Variants in SRC observed in about 807,000 individuals in gnomAD.
The protein encoded by SRC is SRC proto-oncogene, non-receptor tyrosine kinase.
SRC carries 13 observed loss-of-function variants against 62.9 expected under a neutral mutation model. The observed-to-expected ratio is 0.21, with a 90% confidence interval of 0.13 to 0.33. SRC has a LOEUF of 0.33. SRC is among the 10% of genes least tolerant of loss of function. The pLI is 1.00. For missense variants in SRC, 457 were observed against 737.3 expected (o/e 0.62, Z 4.40); for synonymous variants, 302 against 317.5 (o/e 0.95, Z 0.52).
intron 3 of SRC, among the ~76,000 whole-genome samples, 186 bp from the exon 4 acceptor site, chr20:37,383,963 TG>T (rs1427206102): frequency 6.6e-6 from 1 of 151,650 alleles, no homozygotes; most frequent in Non-Finnish European, 1.5e-5. Context: ...CTCAAACTCC[TG>T]ATCTCAAGTG....
chr20:37,362,834 G>A (rs2069997059), intron 1 of SRC, among the ~76,000 whole-genome samples: 1 of 152,204 alleles, frequency 6.6e-6, no homozygotes, highest in Admixed American at 6.5e-5. Context: ...GGGCTCGGAG[G>A]AGGGAGAGAT....
chr20:37,378,785 C>T (rs1040671152), intron 2 of SRC, among the ~76,000 whole-genome samples: 38 of 152,226 alleles, frequency 2.5e-4, no homozygotes, highest in Admixed American at 2.2e-3. Flanking sequence ...ACTGGAGGGG[C>T]CCACACTGCT....
At chr20:37,355,718 T>C (rs2069872357) in intron 1 of SRC, among the ~76,000 whole-genome samples, 1 of 152,088 alleles carries the variant, frequency 6.6e-6, no homozygotes, top group Non-Finnish European at 1.5e-5. Flanking sequence ...AGGTGATACC[T>C]GGCCTGGATC....
chr20:37,345,688 G>A (rs6066028), upstream of SRC, among the ~76,000 whole-genome samples: 7,663 of 152,320 alleles, frequency 0.05, 255 homozygotes, highest in Non-Finnish European at 0.075. Context: ...GTGGTGGTTA[G>A]GATTAAACCC....
chr20:37,382,406 C>A (rs2070378754), intron 2 of SRC, among the ~76,000 whole-genome samples: 1 of 152,200 alleles, frequency 6.6e-6, no homozygotes, highest in Non-Finnish European at 1.5e-5. Context: ...ACTCTCACCA[C>A]CATGCCATAC....
Position 37,396,534 on chromosome 20 carries a change from T to G in SRC, c.703+223T>G. 1 of 612,888 alleles carries G rather than the reference T, an allele frequency of 1.6e-6. No homozygotes were observed. The highest frequency in any genetic ancestry group is 2.9e-5 in the East Asian group (1 of 34,466). The allele number at this position is 612,888 out of a possible 1,614,324, so 38.0% of individuals were successfully genotyped here. On this transcript the variant is annotated intron_variant, in intron 8 of 13. Coordinates refer to ENST00000373578, the MANE Select transcript of SRC (RefSeq NM_198291.3). The surrounding 1 kb of genome is among the most constrained non-coding windows in gnomAD (Gnocchi z 6.1). ...CCCCCCTCCTCCCTGTCCCCCTCTC[T>G]CCCTGCTCCACGCAGTGTCCCACTG... is the stretch of plus-strand genomic sequence containing the variant.
intron 2 of SRC, 42 bp downstream of exon 2, chr20:37,365,319 A>AACACACACACAAACACAC (rs2070043658): frequency 7.6e-6 from 1 of 130,866 alleles, no homozygotes; most frequent in African/African-American, 2.9e-5. Context: ...AAAAGACATC[A>AACACACACACAAACACAC]ACACACACAC....
At chr20:37,388,315 G>C (rs1304929225) in intron 5 of SRC, among the ~76,000 whole-genome samples, 1 of 152,220 alleles carries the variant, frequency 6.6e-6, no homozygotes, top group Non-Finnish European at 1.5e-5. Flanking sequence ...TGGCCAGGAG[G>C]CTGGGGCTGC....
intron 2 of SRC, 88 bp from the exon 3 acceptor site, chr20:37,382,531 G>C (rs1431759177): frequency 6.6e-6 from 1 of 152,222 alleles, no homozygotes; most frequent in African/African-American, 2.4e-5. Flanking sequence ...GATGAACAGT[G>C]ATCAGAGAGT....
At chr20:37,373,143 T>C (rs928646952) in intron 2 of SRC, among the ~76,000 whole-genome samples, 4 of 133,626 alleles carry the variant, frequency 3.0e-5, no homozygotes, top group Non-Finnish European at 4.6e-5. Flanking sequence ...TACACATATG[T>C]ACATATACAC....
chr20:37,346,008 C>A (rs1293731742), upstream of SRC: 1 of 153,038 alleles, frequency 6.5e-6, no homozygotes, highest in African/African-American at 2.4e-5. Context: ...TCCTCCTCCT[C>A]CCGGCTGCCT....
rs550802277 is a variant in SRC at position 37,398,535 on chromosome 20, A to G, written c.859+681A>G. ...CTGAGCCGCATCTCCACTCACTCCC[A>G]CTGCCTCCACGTTCCGCCCTCCAGA... On this transcript the variant is annotated intron_variant, in intron 9 of 13. Transcript: ENST00000373578. This position sits in a 1 kb window ranked among gnomAD's most constrained non-coding sequence, Gnocchi z 5.2. 3.2e-4 allele frequency among the ~76,000 whole-genome samples: 48 copies of G among 152,228 alleles called. No homozygotes were observed. The highest frequency in any genetic ancestry group is 6.3e-4 in the African/African-American group (26 of 41,528).
chr20:37,354,053 T>C (rs2069844658), intron 1 of SRC, among the ~76,000 whole-genome samples: 1 of 152,190 alleles, frequency 6.6e-6, no homozygotes, highest in African/African-American at 2.4e-5. Flanking sequence ...TGTTATTTTA[T>C]TGCAATTTGT....
chr20:37,376,616 A>G (rs1392114989), intron 2 of SRC, among the ~76,000 whole-genome samples: 1 of 152,064 alleles, frequency 6.6e-6, no homozygotes, highest in East Asian at 1.9e-4. Context: ...TGATTCTCCT[A>G]CCTCAGCCTA....
chr20:37,370,333 G>T (rs2146977138), intron 2 of SRC, among the ~76,000 whole-genome samples: 1 of 152,374 alleles, frequency 6.6e-6, no homozygotes, highest in South Asian at 2.1e-4. Flanking sequence ...CCAGCACTTT[G>T]GGAGACCAAG....
intron 2 of SRC, among the ~76,000 whole-genome samples, chr20:37,379,204 G>C (rs1013171018): frequency 6.6e-6 from 1 of 152,212 alleles, no homozygotes; most frequent in East Asian, 1.9e-4. Flanking sequence ...GTGGCTTCCC[G>C]AAGGAAAGGG....
At chr20:37,373,318 GTACACACA>G (rs1183044858) in intron 2 of SRC, among the ~76,000 whole-genome samples, 3 of 149,966 alleles carry the variant, frequency 2.0e-5, no homozygotes, top group Non-Finnish European at 4.4e-5. Flanking sequence ...CATTACATAT[GTACACACA>G]TACACACATG....
chr20:37,376,160 C>A (rs2070274440), intron 2 of SRC, among the ~76,000 whole-genome samples: 1 of 152,182 alleles, frequency 6.6e-6, no homozygotes, highest in Admixed American at 6.5e-5. Context: ...TTTTGTAGGC[C>A]TTGGCTCCTA....
rs73906203 is a variant in SRC at position 37,386,228 on chromosome 20, C to T, written c.350+54C>T. The T allele has an allele frequency of 6.3e-3, 9,564 of 1,512,968 alleles. 106 individuals are homozygous for T. The highest frequency in any genetic ancestry group is 0.035 in the African/African-American group (2,554 of 73,042). 93.7% of individuals were successfully genotyped at this position (1,512,968 alleles called of 1,614,324 possible). A position where few individuals can be genotyped will look rare whatever the true frequency, so the allele number is the denominator to read the frequency against. On this transcript the variant is annotated intron_variant, in intron 5 of 13. Coordinates refer to ENST00000373578, the MANE Select transcript of SRC (RefSeq NM_198291.3). ...AGGGCTGGGTGGTGGGACTTCAAAG[C>T]GGGCAGGGGCTCATGCAGGATCTGG...
Sources: gnomAD v4.1 joint callset for allele counts (sites outside exome capture counted in the v4.1 genomes callset) on GRCh38, gnomAD v4.1.1 for gene constraint, Gnocchi (gnomAD v3.1) non-coding constraint, MANE v1.5 for transcripts, NCBI Gene and HGNC (gene_info 2026-07-23, HGNC 2026-07-21) for gene names.